FREM1: variants seen among roughly 807,000 people sequenced by gnomAD.
FREM1 encodes FRAS1-related extracellular matrix protein 1.
In FREM1, 220 loss-of-function variants were observed where a neutral mutation model predicts 210.1. The ratio of observed to expected loss-of-function variants is 1.05; its 90% confidence interval spans 0.94 to 1.17. The LOEUF (loss-of-function observed/expected upper bound fraction) is 1.17, where lower values mean the gene tolerates loss of function less well. Ranked by LOEUF, FREM1 falls within the 50% of genes most tolerant of loss-of-function variation. FREM1 has a pLI of 0.00. For synonymous variants in FREM1, 1,189 were observed against 980.2 expected (o/e 1.21, Z -3.98); for missense variants, 3,454 against 2,675.5 (o/e 1.29, Z -6.42).
chr9:14,778,315 A>T (rs1018542431), intron 24 of FREM1, among the ~76,000 whole-genome samples: 122 of 149,004 alleles, frequency 8.2e-4, no homozygotes, highest in African/African-American at 2.0e-3. Flanking sequence ...ATTATTTATT[A>T]AAAAAAATAA....
chr9:14,851,199 A>G, intron 6 of FREM1, 85 bp downstream of exon 6: 1 of 970,260 alleles, frequency 1.0e-6, no homozygotes, highest in South Asian at 1.7e-5. Context: ...TGAATGTACA[A>G]AGGAACCTGA....
At chr9:14,862,733 A>G (rs1009335038) in intron 3 of FREM1, among the ~76,000 whole-genome samples, 2 of 152,166 alleles carry the variant, frequency 1.3e-5, no homozygotes, top group African/African-American at 4.8e-5. Context: ...GAACAATACA[A>G]TATGTGACAC....
chr9:14,743,983 A>G (rs915209213), intron 35 of FREM1, among the ~76,000 whole-genome samples: 5 of 152,128 alleles, frequency 3.3e-5, no homozygotes, highest in African/African-American at 1.2e-4. Flanking sequence ...AACCATCTTA[A>G]TGACGGAAGA....
intron 28 of FREM1, among the ~76,000 whole-genome samples, chr9:14,758,302 G>A (rs1228865344): frequency 1.3e-5 from 2 of 152,172 alleles, no homozygotes; most frequent in Non-Finnish European, 2.9e-5. Context: ...GTAACACCAT[G>A]CCTCTTCTTT....
At position 14,856,925 on chromosome 9, in the gene FREM1, A is replaced by G. The variant is rs78239307; in HGVS notation, c.828+628T>C. On this transcript the variant is annotated intron_variant, in intron 5 of 36. Coordinates refer to ENST00000380880, the MANE Select transcript of FREM1 (RefSeq NM_001379081.2). ...AAACAAATTATAGAGTTCATGAATC[A>G]GCAGCACTGCATGTTAAATATTTCA... is the stretch of plus-strand genomic sequence containing the variant. Among the ~76,000 whole-genome samples the G allele has an allele frequency of 8.2e-3, 1,249 of 152,254 alleles. 18 individuals carry two copies. The highest frequency in any genetic ancestry group is 0.028 in the African/African-American group (1,182 of 41,530).
At position 14,737,532 on chromosome 9, in the gene FREM1, G is replaced by A. The variant is rs774795315; in HGVS notation, c.6404C>T (p.Thr2135Ile). The change falls in exon 37 of 37, where the codon ACC becomes ATC. Residue 2135 changes from threonine (T) to isoleucine (I), a missense_variant. Thr to Ile is a moderately conservative substitution (Grantham distance 89). Coordinates refer to ENST00000380880, the MANE Select transcript of FREM1 (RefSeq NM_001379081.2). ...EWIGGEPVAF[T>I]NGRRGPSQRS... ...TTGAGAGGGCCCTCTTCTCCCATTG[G>A]TGAAGGCAACAGGTTCACCACCGAT... 5 of 1,610,988 alleles carry A rather than the reference G, an allele frequency of 3.1e-6. No homozygotes were observed. The South Asian group carries it at 3.3e-5, about 11-fold the overall frequency.
At chr9:14,861,625 G>T (rs1390092195) in intron 3 of FREM1, among the ~76,000 whole-genome samples, 1 of 149,370 alleles carries the variant, frequency 6.7e-6, no homozygotes, top group African/African-American at 2.5e-5. Context: ...TCCTGCCTTA[G>T]CCTCCCGAAT....
At chr9:14,886,155 G>C (rs1376424178) in intron 1 of FREM1, among the ~76,000 whole-genome samples, 1 of 152,108 alleles carries the variant, frequency 6.6e-6, no homozygotes, top group Non-Finnish European at 1.5e-5. Flanking sequence ...GGGAGACCAA[G>C]GTGGGCGGAT....
chr9:14,891,041 TG>T (rs1460659089), intron 1 of FREM1, among the ~76,000 whole-genome samples: 1 of 152,210 alleles, frequency 6.6e-6, no homozygotes, highest in Non-Finnish European at 1.5e-5. Context: ...GGACCTACCG[TG>T]GGCATGTACC....
chr9:14,770,544 T>C (rs1847348231), intron 26 of FREM1, 61 bp downstream of exon 26: 3 of 1,289,654 alleles, frequency 2.3e-6, no homozygotes, highest in Non-Finnish European at 3.4e-6. Flanking sequence ...AATTACTCTC[T>C]AGCCCTGCCA....
chr9:14,792,270 A>ACGCG, intron 22 of FREM1, among the ~76,000 whole-genome samples: 1 of 102,810 alleles, frequency 9.7e-6, no homozygotes, highest in African/African-American at 3.6e-5. Flanking sequence ...CCACACACAC[A>ACGCG]CGCACACACA....
At chr9:14,888,500 GTTCTC>G (rs1019657912) in intron 1 of FREM1, among the ~76,000 whole-genome samples, 9 of 152,158 alleles carry the variant, frequency 5.9e-5, no homozygotes, top group African/African-American at 2.2e-4. Flanking sequence ...TAGAAACAAT[GTTCTC>G]TAAAGGAAGT....
intron 28 of FREM1, 97 bp from the exon 29 acceptor site, chr9:14,756,543 T>A: frequency 1.2e-6 from 1 of 817,368 alleles, no homozygotes; most frequent in Non-Finnish European, 1.9e-6. Context: ...CTCATGCTCT[T>A]AAATCTGTTT....
At chr9:14,900,659 C>T (rs770772344) in intron 1 of FREM1, among the ~76,000 whole-genome samples, 66 of 152,108 alleles carry the variant, frequency 4.3e-4, no homozygotes, top group Non-Finnish European at 1.6e-4. Context: ...AAAGACAGGA[C>T]GCTCCAAGGG....
Position 14,860,554 on chromosome 9 carries a change from TACACAC to T in FREM1, c.330-1076_330-1071del, listed in dbSNP as rs1404315982. 4.5e-3 allele frequency among the ~76,000 whole-genome samples: 563 copies of T among 123,744 alleles called. 6 individuals are homozygous for T. The highest frequency in any genetic ancestry group is 0.017 in the African/African-American group (502 of 29,446). The allele number at this position is 123,744 out of a possible 152,430, so 81.2% of individuals were successfully genotyped here. ...GTATGTATATATATACACATATATA[TACACAC>T]ATATATATACACATATATATACACA... is the stretch of plus-strand genomic sequence containing the variant. On this transcript the variant is annotated intron_variant, in intron 3 of 36. Coordinates refer to ENST00000380880, the MANE Select transcript of FREM1 (RefSeq NM_001379081.2).
At chr9:14,887,540 G>A (rs1346487838) in intron 1 of FREM1, among the ~76,000 whole-genome samples, 1 of 152,192 alleles carries the variant, frequency 6.6e-6, no homozygotes, top group Non-Finnish European at 1.5e-5. Flanking sequence ...AAGATGGAAA[G>A]TCTTCGTGAT....
At chr9:14,892,218 G>A (rs1299435391) in intron 1 of FREM1, among the ~76,000 whole-genome samples, 3 of 152,164 alleles carry the variant, frequency 2.0e-5, no homozygotes, top group Non-Finnish European at 2.9e-5. Flanking sequence ...CTCTGGGTAA[G>A]TGGTGGGATC....
chr9:14,905,340 G>T (rs553672690), intron 1 of FREM1, among the ~76,000 whole-genome samples: 33 of 152,278 alleles, frequency 2.2e-4, no homozygotes, highest in African/African-American at 7.5e-4. Flanking sequence ...TGGTTCGCAG[G>T]CTCACTACAG....
At chr9:14,795,167 A>C (rs1852145858) in intron 21 of FREM1, among the ~76,000 whole-genome samples, 1 of 152,320 alleles carries the variant, frequency 6.6e-6, no homozygotes, top group African/African-American at 2.4e-5. Flanking sequence ...TAATAATAAC[A>C]ATAACACTTA....
Sources: gnomAD v4.1 joint callset for allele counts (sites outside exome capture counted in the v4.1 genomes callset) on GRCh38, gnomAD v4.1.1 for gene constraint, MANE v1.5 for transcripts, NCBI Gene and HGNC (gene_info 2026-07-23, HGNC 2026-07-21) for gene names.